The following BMP2K variants were observed in gnomAD, a reference collection of about 807,000 sequenced individuals.
BMP2K encodes BMP-2-inducible protein kinase.
A neutral mutation model predicts 116.0 loss-of-function variants in BMP2K; 74 were observed. The ratio of observed to expected loss-of-function variants is 0.64; its 90% CI spans 0.53 to 0.77. BMP2K has a LOEUF of 0.77. Ranked by LOEUF, BMP2K falls within the 30% of genes least tolerant of loss-of-function variation. The pLI is 0.00. For synonymous variants in BMP2K, 486 were observed against 502.5 expected (o/e 0.97, Z 0.44); for missense variants, 1,365 against 1,403.6 (o/e 0.97, Z 0.44).
At chr4:78,853,102 A>G (rs74793475) in intron 7 of BMP2K, among the ~76,000 whole-genome samples, 139 of 152,250 alleles carry the variant, frequency 9.1e-4, no homozygotes, top group African/African-American at 3.2e-3. Flanking sequence ...TATTCATGCA[A>G]TGTAGTTGTT....
intron 15 of BMP2K, among the ~76,000 whole-genome samples, chr4:78,898,119 A>G (rs957793350): frequency 6.6e-6 from 1 of 152,214 alleles, no homozygotes; most frequent in African/African-American, 2.4e-5. Context: ...AGTTGTGAGC[A>G]AAGTTCTAAG....
chr4:78,910,603 C>T lies in BMP2K; in HGVS notation c.2063-7C>T. On this transcript the variant is annotated splice_region_variant and splice_polypyrimidine_tract_variant and intron_variant, in intron 15 of 15. Transcript: ENST00000502613. ...AATGCTGTAATAATATTTATTTGAA[C>T]TTGCAGGTTCTCCTGAAAAGAAAGC... 1 of 1,511,782 alleles carries T rather than the reference C, an allele frequency of 6.6e-7. No individual in the cohort carries two copies. Among genetic ancestry groups the T allele is most frequent in the Non-Finnish European group, 8.8e-7 (1 of 1,132,880 alleles). The allele number at this position is 1,511,782 out of a possible 1,614,324, so 93.6% of individuals were successfully genotyped here.
chr4:78,862,342 A>G (rs1360491817), intron 9 of BMP2K, among the ~76,000 whole-genome samples: 2 of 152,060 alleles, frequency 1.3e-5, no homozygotes, highest in African/African-American at 4.8e-5. Context: ...AGGAGGGGAA[A>G]GACTGGGAAC....
At chr4:78,809,704 A>G (rs1280759840) in intron 1 of BMP2K, among the ~76,000 whole-genome samples, 1 of 150,694 alleles carries the variant, frequency 6.6e-6, no homozygotes, top group African/African-American at 2.5e-5. Flanking sequence ...TTTTTTTTAA[A>G]TAATTTCTGA....
intron 8 of BMP2K, 49 bp downstream of exon 8, chr4:78,859,736 A>G: frequency 8.0e-7 from 1 of 1,257,046 alleles, no homozygotes; most frequent in Non-Finnish European, 1.1e-6. Flanking sequence ...ATTTTATCGT[A>G]TGTGAATATA....
At position 78,911,370 on chromosome 4, in the gene BMP2K, C is replaced by T; in HGVS notation, c.2823C>T (p.Leu941=). 6.2e-7 allele frequency: 1 copy of T among 1,614,004 alleles called. No homozygotes were observed. The highest frequency in any genetic ancestry group is 8.5e-7 in the Non-Finnish European group (1 of 1,179,880). ...GCTCCACTCCATTTCAGCCCTTCCT[C>T]ACATCAACAAGTAAAAGTGAAAGCA... The part of the protein sequence containing the change: ...VFGSTPFQPF[L]TSTSKSESNE... The change falls in exon 16 of 16, where the codon CTC becomes CTT. Residue 941 remains leucine, a synonymous_variant. Transcript: ENST00000502613.
chr4:78,824,715 A>G (rs1156714688), intron 1 of BMP2K, among the ~76,000 whole-genome samples: 1 of 152,080 alleles, frequency 6.6e-6, no homozygotes, highest in Non-Finnish European at 1.5e-5. Flanking sequence ...ATTGCTCAGG[A>G]TGCTGCTTTT....
intron 15 of BMP2K, among the ~76,000 whole-genome samples, chr4:78,892,714 A>AT (rs1018798495): frequency 1.3e-4 from 20 of 152,314 alleles, no homozygotes; most frequent in Admixed American, 1.2e-3. Flanking sequence ...AGGGACACAC[A>AT]TTTTTTTGTT....
At chr4:78,894,934 A>C (rs183514494) in intron 15 of BMP2K, among the ~76,000 whole-genome samples, 1 of 152,328 alleles carries the variant, frequency 6.6e-6, no homozygotes, top group African/African-American at 2.4e-5. Context: ...ACCTAAGGAA[A>C]GGGAGAGAGA....
chr4:78,821,671 T>G (rs1729624176), intron 1 of BMP2K, among the ~76,000 whole-genome samples: 1 of 152,158 alleles, frequency 6.6e-6, no homozygotes, highest in Admixed American at 6.6e-5. Context: ...TGACTTTAAG[T>G]CAGTTTTCCT....
chr4:78,808,213 T>G (rs78762715), intron 1 of BMP2K, among the ~76,000 whole-genome samples: 9,613 of 150,098 alleles, frequency 0.064, 414 homozygotes, highest in East Asian at 0.22. Context: ...TGCCACCACT[T>G]TTTCTAGTTT....
intron 1 of BMP2K, among the ~76,000 whole-genome samples, chr4:78,804,822 T>C (rs1002459093): frequency 2.6e-5 from 4 of 152,072 alleles, no homozygotes; most frequent in African/African-American, 9.7e-5. Flanking sequence ...TTCTGGATAC[T>C]AGATTTTTAT....
rs537314495 is a variant in BMP2K, at chr4:78,912,260, G to T, written c.*227G>T. The T allele has an allele frequency of 4.1e-5, 19 of 465,412 alleles. No individual in the cohort carries two copies. Among genetic ancestry groups the T allele is most frequent in the East Asian group, 6.7e-5 (2 of 29,744 alleles). 28.8% of individuals were successfully genotyped at this position (465,412 alleles called of 1,614,324 possible). The stretch of plus-strand genomic sequence containing the variant: ...GCTAAATTGCAAGCTCTAACTAAGG[G>T]TTTCTGCTACTGACATCACAACACA... On this transcript the variant is annotated 3_prime_UTR_variant, in exon 16 of 16. Coordinates refer to ENST00000502613, the MANE Select transcript of BMP2K (RefSeq NM_198892.2).
At chr4:78,856,692 G>A (rs1333945181) in intron 7 of BMP2K, among the ~76,000 whole-genome samples, 5 of 152,028 alleles carry the variant, frequency 3.3e-5, no homozygotes, top group African/African-American at 1.2e-4. Context: ...CAACTTTTTA[G>A]TACTGGTAAA....
At chr4:78,903,961 A>G (rs1314753264) in intron 15 of BMP2K, among the ~76,000 whole-genome samples, 1 of 151,990 alleles carries the variant, frequency 6.6e-6, no homozygotes, top group Non-Finnish European at 1.5e-5. Context: ...GCTTTGATAT[A>G]TAGTCTTAAA....
intron 1 of BMP2K, among the ~76,000 whole-genome samples, chr4:78,817,945 CT>C (rs1729431101): frequency 1.3e-5 from 2 of 151,940 alleles, no homozygotes; most frequent in Admixed American, 6.6e-5. Context: ...ATATTTTTTT[CT>C]TATATTATGG....
intron 10 of BMP2K, among the ~76,000 whole-genome samples, chr4:78,867,525 T>A (rs1044149209): frequency 6.6e-6 from 1 of 151,990 alleles, no homozygotes; most frequent in South Asian, 2.1e-4. Flanking sequence ...TTCCGCTTTT[T>A]CCCCCAATAA....
chr4:78,915,954 G>A lies in BMP2K; in HGVS notation c.*3921G>A, dbSNP rs1577997835. 1 of 151,830 alleles carries A rather than the reference G, an allele frequency of 6.6e-6. No individual in the cohort carries two copies. The highest frequency in any genetic ancestry group is 1.9e-4 in the East Asian group (1 of 5,200). 9.4% of individuals were successfully genotyped at this position (151,830 alleles called of 1,614,324 possible). On this transcript the variant is annotated 3_prime_UTR_variant, in exon 16 of 16. Coordinates refer to ENST00000502613, the MANE Select transcript of BMP2K (RefSeq NM_198892.2). ...AAACAGCTTTAAGTGCACTTTCTTT[G>A]ATTACACTTCCATTTTTTGTTAAAC...
chr4:78,861,827 G>T (rs565173865), intron 9 of BMP2K, among the ~76,000 whole-genome samples: 1 of 151,676 alleles, frequency 6.6e-6, no homozygotes, highest in East Asian at 1.9e-4. Context: ...TTTAAGGAAA[G>T]AAAAAAATAG....
Sources: gnomAD v4.1 joint callset for allele counts (sites outside exome capture counted in the v4.1 genomes callset) on GRCh38, gnomAD v4.1.1 for gene constraint, MANE v1.5 for transcripts, NCBI Gene and HGNC (gene_info 2026-07-23, HGNC 2026-07-21) for gene names.